DCAF8L2: variants seen among roughly 807,000 people sequenced by gnomAD.
DCAF8L2 encodes DDB1- and CUL4-associated factor 8-like protein 2.
For synonymous variants in DCAF8L2, 200 were observed against 190.9 expected (o/e 1.05, Z -0.39); for missense variants, 430 against 490.7 (o/e 0.88, Z 1.17).
the DCAF8L2 span, chrX:27,518,226 T>A: frequency 8.0e-6 from 7 of 872,940 alleles, no homozygotes; most frequent in Non-Finnish European, 1.2e-5. Flanking sequence ...AGTATGGAGG[T>A]TATAATAAAG....
the DCAF8L2 span, among the ~76,000 whole-genome samples, chrX:27,499,385 C>A: frequency 6.2e-5 from 7 of 112,156 alleles, no homozygotes; most frequent in Non-Finnish European, 1.3e-4. Flanking sequence ...GGAAAGATGA[C>A]TACTCAGGTC....
At chrX:27,692,548 G>A (rs1930749708) in intron 3 of DCAF8L2, among the ~76,000 whole-genome samples, 1 of 111,653 alleles carries the variant, frequency 9.0e-6, no homozygotes, top group African/African-American at 3.3e-5. Flanking sequence ...GAGCATGGAT[G>A]GGTTTAAAAG....
chrX:27,531,974 T>C, the DCAF8L2 span, among the ~76,000 whole-genome samples: 2 of 111,610 alleles, frequency 1.8e-5, no homozygotes. Context: ...TGAGATGTTA[T>C]ATTGCTAACC....
In DCAF8L2 at chrX:27,605,883, C is replaced by T. The variant is rs1390675995; in HGVS notation, c.-342+15443C>T. ...GGGAATGAGACTTTTCTATCTTAAC[C>T]TCTTGAAACTGGACAGTCCCAGGGG... On this transcript the variant is annotated intron_variant, in intron 1 of 4. Coordinates refer to ENST00000451261, the MANE Select transcript of DCAF8L2 (RefSeq NM_001353450.2). Among the ~76,000 whole-genome samples the T allele has an allele frequency of 5.4e-5, 6 of 110,869 alleles. No individual in the cohort carries two copies. The Admixed American group carries it at 5.8e-4, about 11-fold the overall frequency.
chrX:27,685,719 A>G (rs1362495320), intron 3 of DCAF8L2, among the ~76,000 whole-genome samples: 1 of 111,944 alleles, frequency 8.9e-6, no homozygotes, highest in Non-Finnish European at 1.9e-5. Flanking sequence ...AACAAAAGCA[A>G]ACATAGACAA....
intron 1 of DCAF8L2, among the ~76,000 whole-genome samples, chrX:27,624,640 C>T (rs1927928461): frequency 9.0e-6 from 1 of 111,468 alleles, no homozygotes; most frequent in Non-Finnish European, 1.9e-5. Flanking sequence ...CAACATGCTA[C>T]TGGTACAAAA....
At chrX:27,617,024 A>G (rs544471245) in intron 1 of DCAF8L2, among the ~76,000 whole-genome samples, 4 of 111,649 alleles carry the variant, frequency 3.6e-5, no homozygotes, top group African/African-American at 1.3e-4. Context: ...TTAAATACAT[A>G]AAAAGCAACA....
At chrX:27,706,849 A>C (rs1177805488) in intron 3 of DCAF8L2, among the ~76,000 whole-genome samples, 7 of 112,235 alleles carry the variant, frequency 6.2e-5, no homozygotes, top group Admixed American at 5.7e-4. Flanking sequence ...TAGCAACATT[A>C]CTCATAATAT....
At chrX:27,581,949 A>G in the DCAF8L2 span, among the ~76,000 whole-genome samples, 3 of 112,130 alleles carry the variant, frequency 2.7e-5, no homozygotes, top group African/African-American at 9.7e-5. Context: ...AATTATTGGG[A>G]AAGACGTGGG....
At chrX:27,533,556 ATGT>A in the DCAF8L2 span, among the ~76,000 whole-genome samples, 1 of 112,098 alleles carries the variant, frequency 8.9e-6, no homozygotes. Flanking sequence ...CAAATAATTA[ATGT>A]TAACCTTGTC....
chrX:27,497,570 TTCTTTCTTTCTTCTTTCCAATGAAG>T, the DCAF8L2 span, among the ~76,000 whole-genome samples: 53 of 95,834 alleles, frequency 5.5e-4, no homozygotes, highest in African/African-American at 1.2e-3. Flanking sequence ...CTTTCTTTCT[TTCTTTCTTTCTTCTTTCCAATGAAG>T]TCTCACTCTG....
chrX:27,637,462 C>T (rs188370079), intron 2 of DCAF8L2, among the ~76,000 whole-genome samples: 1 of 111,901 alleles, frequency 8.9e-6, no homozygotes, highest in Non-Finnish European at 1.9e-5. Context: ...GTGGGTTTTC[C>T]ATTAGGATGT....
At chrX:27,701,940 G>A (rs1388306273) in intron 3 of DCAF8L2, among the ~76,000 whole-genome samples, 1 of 110,839 alleles carries the variant, frequency 9.0e-6, no homozygotes, top group Non-Finnish European at 1.9e-5. Context: ...GCTTTGAAAT[G>A]AGAAAAAGAA....
chrX:27,611,394 G>C (rs1393157629), intron 1 of DCAF8L2, among the ~76,000 whole-genome samples: 1 of 108,671 alleles, frequency 9.2e-6, no homozygotes, highest in Non-Finnish European at 1.9e-5. Context: ...CCGTCATAGT[G>C]AACAGGCAAC....
intron 1 of DCAF8L2, among the ~76,000 whole-genome samples, chrX:27,591,391 C>T (rs1455096497): frequency 9.1e-6 from 1 of 110,451 alleles, no homozygotes; most frequent in African/African-American, 3.3e-5. Context: ...CTCTTTTACC[C>T]CATTGAGGAG....
chrX:27,657,887 T>A (rs1182048270), intron 2 of DCAF8L2, among the ~76,000 whole-genome samples: 1 of 112,243 alleles, frequency 8.9e-6, no homozygotes, highest in Non-Finnish European at 1.9e-5. Context: ...GGATGTAGTT[T>A]TGTAACATCA....
At chrX:27,587,400 T>C (rs1247404207), upstream of DCAF8L2, among the ~76,000 whole-genome samples, 1 of 111,632 alleles carries the variant, frequency 9.0e-6, no homozygotes, top group Non-Finnish European at 1.9e-5. Flanking sequence ...GGCTTGGCTT[T>C]TGAAGAAAGA....
chrX:27,573,476 T>A, the DCAF8L2 span, among the ~76,000 whole-genome samples: 1 of 111,232 alleles, frequency 9.0e-6, no homozygotes, highest in East Asian at 2.8e-4. Flanking sequence ...CCTGGATGAA[T>A]AAATATATGG....
At chrX:27,605,831 A>G (rs1207387933) in intron 1 of DCAF8L2, among the ~76,000 whole-genome samples, 1 of 111,750 alleles carries the variant, frequency 8.9e-6, no homozygotes, top group Non-Finnish European at 1.9e-5. Flanking sequence ...AAGTAGTGAA[A>G]TAAATGCAAG....
Sources: allele counts gnomAD v4.1 joint callset (sites outside exome capture counted in the v4.1 genomes callset), GRCh38; gene constraint gnomAD v4.1.1; transcripts MANE v1.5; gene names NCBI Gene and HGNC (gene_info 2026-07-23, HGNC 2026-07-21).